Variants in ARSB observed in about 807,000 individuals in gnomAD.
ARSB encodes the protein arylsulfatase B, also known as N-acetylgalactosamine-4-sulfatase.
In ARSB, 41 loss-of-function variants were observed where a neutral mutation model predicts 50.9. The observed-to-expected ratio is 0.81, with a 90% CI of 0.63 to 1.04. The LOEUF is 1.04. Among genes scored for constraint, ARSB ranks in the 50% least tolerant of loss-of-function variants. ARSB has a pLI of 0.00. For synonymous variants in ARSB, 269 were observed against 284.8 expected, an observed-to-expected ratio of 0.94 and a Z score of 0.56; for missense variants, 672 against 693.3, an observed-to-expected ratio of 0.97 and a Z score of 0.35.
chr5:78,833,090 G>A (rs769564880), intron 6 of ARSB, among the ~76,000 whole-genome samples: 2 of 152,176 alleles, frequency 1.3e-5, no homozygotes, highest in Non-Finnish European at 2.9e-5. Flanking sequence ...CTTTGAAGCA[G>A]TTCTCCTTGT....
intron 5 of ARSB, among the ~76,000 whole-genome samples, chr5:78,868,754 C>T (rs1374807743): frequency 7.2e-6 from 1 of 138,744 alleles, no homozygotes; most frequent in African/African-American, 2.8e-5. Flanking sequence ...ACTGCATCAA[C>T]TAACGAGCAA....
In ARSB at chr5:78,781,837, A is replaced by C. The variant is rs764604137; in HGVS notation, c.1336+15T>G. On this transcript the variant is annotated intron_variant, in intron 7 of 7. Transcript: ENST00000264914. ...CTACCACGGGAAGGGAAGTTTGCTA[A>C]GCTAAGGACTCTACCTGGGTAGCCC... is the stretch of plus-strand genomic sequence containing the variant. 6.2e-7 allele frequency: 1 copy of C among 1,614,022 alleles called. No homozygotes were observed. Among genetic ancestry groups the C allele is most frequent in the South Asian group, 1.1e-5 (1 of 91,068 alleles).
At chr5:78,984,217 T>C (rs1409630841) in intron 1 of ARSB, among the ~76,000 whole-genome samples, 1 of 152,218 alleles carries the variant, frequency 6.6e-6, no homozygotes, top group Non-Finnish European at 1.5e-5. Context: ...TAATTCACTT[T>C]AAAAACAACA....
intron 4 of ARSB, among the ~76,000 whole-genome samples, chr5:78,893,669 A>G (rs1000012781): frequency 3.9e-5 from 6 of 152,210 alleles, no homozygotes; most frequent in African/African-American, 1.2e-4. Context: ...GTAATTTAAA[A>G]CATAAGTATT....
At chr5:78,978,174 A>G (rs567164279) in intron 1 of ARSB, among the ~76,000 whole-genome samples, 2 of 152,240 alleles carry the variant, frequency 1.3e-5, no homozygotes, top group African/African-American at 4.8e-5. Context: ...CCCCATCTCT[A>G]TTAAAAATAC....
chr5:78,889,165 G>C (rs889651372), intron 4 of ARSB, among the ~76,000 whole-genome samples: 1 of 152,036 alleles, frequency 6.6e-6, no homozygotes, highest in Admixed American at 6.5e-5. Context: ...CAGTCTCCTG[G>C]GTATTTCAAA....
chr5:78,862,520 C>A (rs922540357), intron 5 of ARSB, among the ~76,000 whole-genome samples: 22 of 152,254 alleles, frequency 1.4e-4, no homozygotes, highest in Middle Eastern at 3.4e-3. Context: ...CTATTTAATA[C>A]ATGGTGCTGG....
At chr5:78,948,116 A>ATGGT (rs1464218311) in intron 4 of ARSB, among the ~76,000 whole-genome samples, 1 of 152,134 alleles carries the variant, frequency 6.6e-6, no homozygotes, top group Admixed American at 6.5e-5. Flanking sequence ...GAATAGAAGG[A>ATGGT]TGGTTACTAG....
At chr5:78,897,909 T>A (rs908832652) in intron 4 of ARSB, among the ~76,000 whole-genome samples, 1 of 152,100 alleles carries the variant, frequency 6.6e-6, no homozygotes, top group African/African-American at 2.4e-5. Flanking sequence ...TCTAAGTTCA[T>A]TCAGGAAAAA....
At chr5:78,920,850 A>G (rs1274129376) in intron 4 of ARSB, among the ~76,000 whole-genome samples, 1 of 152,034 alleles carries the variant, frequency 6.6e-6, no homozygotes, top group African/African-American at 2.4e-5. Context: ...TTGTTACTGC[A>G]CTTCCTAACT....
intron 4 of ARSB, among the ~76,000 whole-genome samples, chr5:78,945,143 T>G (rs1054309346): frequency 1.3e-5 from 2 of 152,168 alleles, no homozygotes; most frequent in African/African-American, 4.8e-5. Context: ...AGTATTAGGG[T>G]GGGAGTGACC....
At chr5:78,938,714 C>T (rs116529065) in intron 4 of ARSB, among the ~76,000 whole-genome samples, 5,193 of 152,122 alleles carry the variant, frequency 0.034, 274 homozygotes, top group African/African-American at 0.12. Flanking sequence ...GAAGGAAATT[C>T]TTATATGTAA....
chr5:78,896,234 G>A (rs1748552261), intron 4 of ARSB, among the ~76,000 whole-genome samples: 1 of 152,164 alleles, frequency 6.6e-6, no homozygotes, highest in South Asian at 2.1e-4. Context: ...CAGGCAAGGA[G>A]GTCGCAGCAT....
At chr5:78,834,953 CCCCTCCCT>C (rs35281545) in intron 6 of ARSB, among the ~76,000 whole-genome samples, 2 of 139,834 alleles carry the variant, frequency 1.4e-5, no homozygotes, top group East Asian at 2.2e-4. Context: ...TTCTTATTTT[CCCCTCCCT>C]CCCTCCCTCC....
At chr5:78,897,029 T>C (rs1748594448) in intron 4 of ARSB, among the ~76,000 whole-genome samples, 1 of 151,880 alleles carries the variant, frequency 6.6e-6, no homozygotes, top group South Asian at 2.1e-4. Context: ...AAATTTGGAC[T>C]TAAGGCCATT....
intron 6 of ARSB, among the ~76,000 whole-genome samples, chr5:78,800,110 G>C (rs984853192): frequency 6.6e-6 from 1 of 152,064 alleles, no homozygotes; most frequent in Admixed American, 6.6e-5. Context: ...TTGAGGTCAG[G>C]AGTTCAAGAC....
intron 5 of ARSB, among the ~76,000 whole-genome samples, chr5:78,862,707 G>T (rs541506953): frequency 1.3e-5 from 2 of 152,120 alleles, no homozygotes; most frequent in Non-Finnish European, 2.9e-5. Context: ...AGGACTTCAC[G>T]TCTAAAACAC....
intron 6 of ARSB, chr5:78,817,170 A>C (rs1744023874): frequency 2.1e-6 from 2 of 940,122 alleles, no homozygotes. Context: ...GTAGGCACAA[A>C]ATAACAACAG....
intron 5 of ARSB, among the ~76,000 whole-genome samples, chr5:78,876,158 AAT>A (rs1554078401): frequency 6.6e-6 from 1 of 151,662 alleles, no homozygotes; most frequent in Non-Finnish European, 1.5e-5. Context: ...AACATAATTA[AAT>A]ATATATATAT....
Sources: allele counts gnomAD v4.1 joint callset (sites outside exome capture counted in the v4.1 genomes callset), GRCh38; gene constraint gnomAD v4.1.1; transcripts MANE v1.5; gene names NCBI Gene and HGNC (gene_info 2026-07-23, HGNC 2026-07-21).